Variants in LRRC61 observed in about 807,000 individuals in gnomAD.
LRRC61 encodes the protein leucine-rich repeat-containing protein 61.
LRRC61 carries 9 observed loss-of-function variants against 15.1 expected under a neutral mutation model. The ratio of observed to expected loss-of-function variants is 0.60; its 90% CI spans 0.36 to 1.04. The LOEUF (loss-of-function observed/expected upper bound fraction) is 1.04. Ranked by LOEUF, LRRC61 falls within the 50% of genes least tolerant of loss-of-function variation. The pLI is 0.01. For missense variants in LRRC61, 344 were observed against 335.6 expected, an observed-to-expected ratio of 1.03 and a Z score of -0.20; for synonymous variants, 173 against 158.6, an observed-to-expected ratio of 1.09 and a Z score of -0.68.
At position 150,330,495 on chromosome 7, in the gene LRRC61, C is replaced by T. The variant is rs1306011828; in HGVS notation, c.-145+4485C>T. On this transcript the variant is annotated intron_variant, in intron 2 of 2. Coordinates refer to ENST00000359623, the MANE Select transcript of LRRC61 (RefSeq NM_001142928.2). The surrounding 1 kb of genome is among the most constrained non-coding windows in gnomAD (Gnocchi z 4.6). ...CCTGCACATCTTCCTGGAGCAGGTT[C>T]ACACACACTTTCAGGAGCAGAGTGT... The T allele has an allele frequency of 2.6e-6, 2 of 780,188 alleles. No homozygotes were observed. The highest frequency in any genetic ancestry group is 4.8e-6 in the Non-Finnish European group (2 of 418,066). The allele number at this position is 780,188 out of a possible 1,614,324, so 48.3% of individuals were successfully genotyped here.
Position 150,323,497 on chromosome 7 carries a change from C to T in LRRC61, c.-378C>T. The T allele has an allele frequency of 2.3e-6, 1 of 428,190 alleles. No homozygotes were observed. The highest frequency in any genetic ancestry group is 2.1e-5 in the African/African-American group (1 of 46,696). The allele number at this position is 428,190 out of a possible 1,614,324, so 26.5% of individuals were successfully genotyped here. On this transcript the variant is annotated 5_prime_UTR_variant, in exon 1 of 3. Coordinates refer to ENST00000359623, the MANE Select transcript of LRRC61 (RefSeq NM_001142928.2). ...CCGAGGAGGCGCCGGCTCTGCGGTG[C>T]GGAGTTGCGCCGGACTTCCCAGCTT... is the stretch of plus-strand genomic sequence containing the variant.
intron 2 of LRRC61, among the ~76,000 whole-genome samples, chr7:150,327,619 G>T (rs1482953728): frequency 6.6e-6 from 1 of 152,096 alleles, no homozygotes; most frequent in African/African-American, 2.4e-5. Flanking sequence ...AGGAGTTGGA[G>T]TCCAGCCTGG....
the LRRC61 span, among the ~76,000 whole-genome samples, chr7:150,313,413 T>C: frequency 6.6e-6 from 1 of 152,224 alleles, no homozygotes; most frequent in African/African-American, 2.4e-5. Flanking sequence ...CTGGAATCAA[T>C]AGAAAGAAAT....
At chr7:150,316,610 TGA>T in the LRRC61 span, among the ~76,000 whole-genome samples, 1 of 151,144 alleles carries the variant, frequency 6.6e-6, no homozygotes, top group African/African-American at 2.4e-5. Flanking sequence ...CTCAGCCTCC[TGA>T]GCAGCTGGGA....
the LRRC61 span, among the ~76,000 whole-genome samples, chr7:150,315,292 G>C: frequency 6.6e-6 from 1 of 152,038 alleles, no homozygotes; most frequent in Non-Finnish European, 1.5e-5. Flanking sequence ...ATAAACTTCT[G>C]TCCTGCTAAA....
At chr7:150,334,219 C>A (rs545849007) in intron 2 of LRRC61, 55 of 637,694 alleles carry the variant, frequency 8.6e-5, no homozygotes, top group Middle Eastern at 8.0e-4. Context: ...CTCTGCAGTC[C>A]CACTGTGGCC....
At chr7:150,327,233 G>T (rs1489552063) in intron 2 of LRRC61, among the ~76,000 whole-genome samples, 1 of 152,008 alleles carries the variant, frequency 6.6e-6, no homozygotes, top group Non-Finnish European at 1.5e-5. Context: ...AAGTGAAAAG[G>T]GTCAGCATGT....
At chr7:150,318,508 A>C (rs1156503339), upstream of LRRC61, among the ~76,000 whole-genome samples, 2 of 152,208 alleles carry the variant, frequency 1.3e-5, no homozygotes, top group African/African-American at 4.8e-5. Flanking sequence ...TCACGCCTGT[A>C]ATCCCAGCAC....
chr7:150,319,471 T>G (rs530820216), upstream of LRRC61, among the ~76,000 whole-genome samples: 29 of 152,164 alleles, frequency 1.9e-4, no homozygotes, highest in Non-Finnish European at 4.1e-4. Context: ...CCTCCCAAAG[T>G]GCTGGGATTA....
chr7:150,336,773 G>A lies in LRRC61; in HGVS notation c.-89G>A, dbSNP rs556726909. 96 of 1,516,682 alleles carry A rather than the reference G, an allele frequency of 6.3e-5. No homozygotes were observed. Among genetic ancestry groups the A allele is most frequent in the African/African-American group, 5.5e-4 (40 of 73,000 alleles). 94.0% of individuals were successfully genotyped at this position (1,516,682 alleles called of 1,614,324 possible). A position where few individuals can be genotyped will look rare whatever the true frequency, so the allele number is the denominator to read the frequency against. On this transcript the variant is annotated 5_prime_UTR_variant, in exon 3 of 3. Transcript: ENST00000359623. ...ACCAGGCCTCCTGGCACTGGCCTGGGTAGAGCCAGGGCGAGCACCAGCTGA... is the reference window on the plus strand; with the variant it reads ...ACCAGGCCTCCTGGCACTGGCCTGGATAGAGCCAGGGCGAGCACCAGCTGA...
chr7:150,327,132 G>T (rs373714606), intron 2 of LRRC61, among the ~76,000 whole-genome samples: 1 of 151,228 alleles, frequency 6.6e-6, no homozygotes, highest in African/African-American at 2.4e-5. Context: ...ATCACTCATT[G>T]TCAGATCTTT....
At position 150,337,604 on chromosome 7, in the gene LRRC61, T is replaced by C; in HGVS notation, c.743T>C (p.Leu248Pro). ...AGCCTGGCCCAGGCGGAGCAGGTAC[T>C]CAGCTCTGCGGGCCCCACCTCTTCC... ...SDSLAQAEQV[L>P]SSAGPTSSFV... Residue 248 changes from leucine (L) to proline (P), a missense_variant, in exon 3 of 3, where the codon CTC becomes CCC. Transcript: ENST00000359623. The C allele has an allele frequency of 6.4e-7, 1 of 1,551,146 alleles. No homozygotes were observed. The highest frequency in any genetic ancestry group is 8.7e-7 in the Non-Finnish European group (1 of 1,151,050).
chr7:150,328,850 A>G lies in LRRC61; in HGVS notation c.-145+2840A>G, dbSNP rs1375850593. ...CGTTCCCAAGTCACGTCTTTTACGA[A>G]TACACACGCATACCCTCTGTTGTGG... On this transcript the variant is annotated intron_variant, in intron 2 of 2. Coordinates refer to ENST00000359623, the MANE Select transcript of LRRC61 (RefSeq NM_001142928.2). 5 of 152,374 alleles carry G rather than the reference A, an allele frequency of 3.3e-5. No individual in the cohort carries two copies. In the East Asian group the frequency reaches 5.8e-4, roughly 18 times the overall value. 9.4% of individuals were successfully genotyped at this position (152,374 alleles called of 1,614,324 possible).
At chr7:150,313,386 AGTT>A in the LRRC61 span, among the ~76,000 whole-genome samples, 1 of 152,242 alleles carries the variant, frequency 6.6e-6, no homozygotes, top group Admixed American at 6.5e-5. Flanking sequence ...GAAAGGGACA[AGTT>A]ATTATCCAAA....
At chr7:150,331,043 G>A (rs368087159) in intron 2 of LRRC61, 2 of 1,612,020 alleles carry the variant, frequency 1.2e-6, no homozygotes, top group African/African-American at 2.7e-5. Flanking sequence ...ATGACCCCCT[G>A]GCTTACTGGG....
chr7:150,312,078 G>A, the LRRC61 span, among the ~76,000 whole-genome samples: 1 of 152,172 alleles, frequency 6.6e-6, no homozygotes. Flanking sequence ...GGATCTTATT[G>A]CTAAAGAAAA....
chr7:150,313,363 T>C, the LRRC61 span, among the ~76,000 whole-genome samples: 3 of 152,172 alleles, frequency 2.0e-5, no homozygotes, highest in African/African-American at 7.2e-5. Flanking sequence ...AAGTTTCTCA[T>C]TGGCAATCGG....
intron 2 of LRRC61, among the ~76,000 whole-genome samples, chr7:150,334,762 A>G (rs1798232959): frequency 6.6e-6 from 1 of 152,234 alleles, no homozygotes; most frequent in Admixed American, 6.5e-5. Flanking sequence ...TCACGCCTGT[A>G]ATCCCAACAC....
upstream of LRRC61, among the ~76,000 whole-genome samples, chr7:150,320,672 A>G (rs1477307376): frequency 1.3e-5 from 2 of 152,366 alleles, no homozygotes; most frequent in East Asian, 1.9e-4. Context: ...CTGAAGCAGG[A>G]GAATCACTTG....
Sources: gnomAD v4.1 joint callset for allele counts (sites outside exome capture counted in the v4.1 genomes callset) on GRCh38, gnomAD v4.1.1 for gene constraint, Gnocchi (gnomAD v3.1) non-coding constraint, MANE v1.5 for transcripts, NCBI Gene and HGNC (gene_info 2026-07-23, HGNC 2026-07-21) for gene names.